PID1: variants seen among roughly 807,000 people sequenced by gnomAD.
PID1 encodes phosphotyrosine interaction domain containing 1, also known as PTB-containing, cubilin and LRP1-interacting protein.
PID1 carries 10 observed loss-of-function variants against 19.1 expected under a neutral mutation model. The ratio of observed to expected loss-of-function variants is 0.52; its 90% CI spans 0.32 to 0.89. PID1 has a LOEUF of 0.89. Among genes scored for constraint, PID1 ranks in the 40% least tolerant of loss-of-function variants. The pLI, the probability that PID1 is intolerant of heterozygous loss-of-function variation, is 0.03. For missense variants in PID1, 248 were observed against 285.3 expected, an observed-to-expected ratio of 0.87 and a Z score of 0.94; for synonymous variants, 130 against 116.0, an observed-to-expected ratio of 1.12 and a Z score of -0.78.
intron 2 of PID1, among the ~76,000 whole-genome samples, chr2:229,029,521 AG>A (rs1325800183): frequency 2.6e-5 from 4 of 152,164 alleles, no homozygotes; most frequent in Non-Finnish European, 5.9e-5. Context: ...TATACCATGT[AG>A]AAAACAGCGT....
At chr2:229,114,174 AACACACAC>A (rs151089843) in intron 2 of PID1, among the ~76,000 whole-genome samples, 2 of 124,574 alleles carry the variant, frequency 1.6e-5, no homozygotes, top group South Asian at 2.4e-4. Flanking sequence ...TCTCCACACA[AACACACAC>A]ACACACACAC....
intron 1 of PID1, among the ~76,000 whole-genome samples, chr2:229,262,182 G>A (rs1690477377): frequency 6.6e-6 from 1 of 152,152 alleles, no homozygotes; most frequent in East Asian, 1.9e-4. Context: ...CTTAATACTA[G>A]TCTTCCCTTG....
chr2:229,125,320 A>C (rs1044785881), intron 2 of PID1, among the ~76,000 whole-genome samples: 4 of 152,132 alleles, frequency 2.6e-5, no homozygotes, highest in African/African-American at 9.7e-5. Flanking sequence ...ATGAGTAAGA[A>C]ATAAACCTTT....
intron 2 of PID1, among the ~76,000 whole-genome samples, chr2:229,134,357 G>A (rs7601725): frequency 0.79 from 118,717 of 149,404 alleles, 47,288 homozygotes; most frequent in East Asian, 1. Context: ...CTCCTGCCTC[G>A]GCCTCCCAAG....
intron 2 of PID1, among the ~76,000 whole-genome samples, chr2:229,043,928 G>A (rs1030466953): frequency 6.6e-6 from 1 of 152,182 alleles, no homozygotes; most frequent in East Asian, 1.9e-4. Context: ...GACACATCCA[G>A]CTCAAATCCT....
chr2:229,033,704 G>C lies in PID1; in HGVS notation c.178-7596C>G, dbSNP rs1693602835. 1.3e-5 allele frequency among the ~76,000 whole-genome samples: 2 copies of C among 152,136 alleles called. 1 individual carries two copies. Among genetic ancestry groups the C allele is most frequent in the South Asian group, 4.1e-4 (2 of 4,826 alleles). On this transcript the variant is annotated intron_variant, in intron 2 of 2. Coordinates refer to ENST00000392055, the MANE Select transcript of PID1 (RefSeq NM_001100818.2). ...AAAAAAATTAAAAAAATATTTTACT[G>C]TTTTTCCATTGTCTGTAGGACATAC...
chr2:229,201,787 A>T (rs1691503991), intron 1 of PID1, among the ~76,000 whole-genome samples: 1 of 151,978 alleles, frequency 6.6e-6, no homozygotes, highest in South Asian at 2.1e-4. Flanking sequence ...TACCACCAAT[A>T]CTTACTTCTG....
At chr2:229,220,690 G>C (rs1475226358) in intron 1 of PID1, among the ~76,000 whole-genome samples, 1 of 152,148 alleles carries the variant, frequency 6.6e-6, no homozygotes, top group Admixed American at 6.5e-5. Context: ...TGTAAACTCA[G>C]TGTTTGCCCG....
intron 2 of PID1, among the ~76,000 whole-genome samples, chr2:229,082,242 T>C (rs918108511): frequency 6.6e-6 from 1 of 152,200 alleles, no homozygotes; most frequent in Non-Finnish European, 1.5e-5. Context: ...AGGTATAATG[T>C]TGCATGGAGA....
At chr2:229,236,155 GC>G (rs1270174250) in intron 1 of PID1, among the ~76,000 whole-genome samples, 1 of 7,848 alleles carries the variant, frequency 1.3e-4, no homozygotes, top group African/African-American at 1.5e-4. Context: ...ATGGTTTTTG[GC>G]TTTTGAAAAA....
In PID1 at chr2:229,064,612, T is replaced by TA. The variant is rs373209902; in HGVS notation, c.178-38505dup. 6.1e-3 allele frequency among the ~76,000 whole-genome samples: 928 copies of TA among 152,232 alleles called. 14 individuals carry two copies. The highest frequency in any genetic ancestry group is 0.02 in the African/African-American group (837 of 41,550). ...AATTCATAAATTATCCAATTTTTGA[T>TA]AAAAAAATTGCCATATTCGAAAGTG... On this transcript the variant is annotated intron_variant, in intron 2 of 2. Coordinates refer to ENST00000392055, the MANE Select transcript of PID1 (RefSeq NM_001100818.2).
chr2:229,139,095 G>GAAAC (rs745466893), intron 2 of PID1, among the ~76,000 whole-genome samples: 1 of 73,028 alleles, frequency 1.4e-5, no homozygotes, highest in Non-Finnish European at 2.7e-5. Context: ...AAGAAAGAAA[G>GAAAC]AAAGAAAGAA....
At chr2:229,119,919 C>T (rs1201212025) in intron 2 of PID1, among the ~76,000 whole-genome samples, 1 of 152,076 alleles carries the variant, frequency 6.6e-6, no homozygotes, top group African/African-American at 2.4e-5. Context: ...TGAGCCGGGA[C>T]ATCTATATTC....
intron 1 of PID1, among the ~76,000 whole-genome samples, chr2:229,187,280 A>T (rs1195555375): frequency 6.6e-6 from 1 of 152,170 alleles, no homozygotes; most frequent in Non-Finnish European, 1.5e-5. Context: ...TCTTTTCAGC[A>T]GCACCCCACT....
intron 2 of PID1, among the ~76,000 whole-genome samples, chr2:229,067,621 TC>T: frequency 6.6e-6 from 1 of 152,126 alleles, no homozygotes; most frequent in East Asian, 1.9e-4. Flanking sequence ...TCCATACTCC[TC>T]TGCCCTGCCC....
chr2:229,257,974 T>C (rs778915466), intron 1 of PID1, among the ~76,000 whole-genome samples: 5 of 152,188 alleles, frequency 3.3e-5, no homozygotes, highest in Non-Finnish European at 5.9e-5. Context: ...TTGCTTTCTG[T>C]CACGGGAGGA....
intron 2 of PID1, among the ~76,000 whole-genome samples, chr2:229,138,461 T>A (rs1425459256): frequency 6.6e-6 from 1 of 152,042 alleles, no homozygotes; most frequent in Admixed American, 6.6e-5. Context: ...CCCATTTGAC[T>A]TGGGTGATCA....
chr2:229,105,139 G>A (rs1397650397), intron 2 of PID1, among the ~76,000 whole-genome samples: 1 of 152,166 alleles, frequency 6.6e-6, no homozygotes, highest in African/African-American at 2.4e-5. Context: ...ACGCAAGAGG[G>A]ATCACCACGT....
chr2:229,096,291 A>G (rs1362020286), intron 2 of PID1, among the ~76,000 whole-genome samples: 18 of 152,192 alleles, frequency 1.2e-4, no homozygotes, highest in Admixed American at 1.2e-3. Flanking sequence ...TTGCTAATTT[A>G]TGCCTTTATA....
Sources: gnomAD v4.1 joint callset for allele counts (sites outside exome capture counted in the v4.1 genomes callset) on GRCh38, gnomAD v4.1.1 for gene constraint, MANE v1.5 for transcripts, NCBI Gene and HGNC (gene_info 2026-07-23, HGNC 2026-07-21) for gene names.